ZNF827: variants seen among roughly 807,000 people sequenced by gnomAD.
ZNF827 encodes zinc finger protein 827.
In ZNF827, 13 loss-of-function variants were observed where a neutral mutation model predicts 102.4. The ratio of observed to expected loss-of-function variants is 0.13; its 90% CI spans 0.08 to 0.20. The LOEUF (loss-of-function observed/expected upper bound fraction) is 0.20, where lower values mean the gene tolerates loss of function less well. Ranked by LOEUF, ZNF827 falls within the 10% of genes least tolerant of loss-of-function variation. ZNF827 has a pLI of 1.00. For synonymous variants in ZNF827, 523 were observed against 536.2 expected (o/e 0.98, Z 0.34); for missense variants, 1,103 against 1,344.4 (o/e 0.82, Z 2.81).
intron 8 of ZNF827, among the ~76,000 whole-genome samples, chr4:145,788,071 TCTGC>T (rs773315591): frequency 5.9e-5 from 9 of 152,326 alleles, no homozygotes; most frequent in Non-Finnish European, 1.2e-4. Flanking sequence ...AGACCCACAG[TCTGC>T]CTGCTCCTCT....
intron 7 of ZNF827, among the ~76,000 whole-genome samples, chr4:145,838,264 C>G (rs1745072998): frequency 6.6e-6 from 1 of 152,122 alleles, no homozygotes; most frequent in South Asian, 2.1e-4. Flanking sequence ...TTTCCTGGCT[C>G]ATCCTGGCTC....
At chr4:145,876,160 T>C (rs1360003313) in intron 4 of ZNF827, among the ~76,000 whole-genome samples, 1 of 152,228 alleles carries the variant, frequency 6.6e-6, no homozygotes, top group Non-Finnish European at 1.5e-5. Flanking sequence ...TGTGTTCATA[T>C]ATAATTATAG....
intron 8 of ZNF827, among the ~76,000 whole-genome samples, chr4:145,800,315 T>A (rs1333329496): frequency 6.6e-6 from 1 of 151,642 alleles, no homozygotes; most frequent in Non-Finnish European, 1.5e-5. Flanking sequence ...AATACATATA[T>A]AAACATAGTG....
Position 145,902,915 on chromosome 4 carries a change from G to A in ZNF827, c.344C>T (p.Ser115Phe). 3.1e-6 allele frequency: 5 copies of A among 1,614,158 alleles called. No individual in the cohort carries two copies. The highest frequency in any genetic ancestry group is 4.2e-6 in the Non-Finnish European group (5 of 1,180,026). Residue 115 changes from serine (S) to phenylalanine (F), a missense_variant, in exon 2 of 15, where the codon TCC (serine) becomes TTC (phenylalanine). Physicochemically the swap from Ser to Phe is radical, Grantham distance 155 (BLOSUM62 -2). Around this residue, in one of 5 missense-constraint regions of ZNF827, gnomAD observed 441 missense variants for 458.6 expected, o/e 0.96. Transcript: ENST00000508784. The surrounding 1 kb of genome is among the most constrained non-coding windows in gnomAD (Gnocchi z 4.3). ...CAAATTGCTGCTCAGGGGCTTGTTG[G>A]AGCCTGGGTCATCGTCACACAAAGA... is the stretch of plus-strand genomic sequence containing the variant. Reference protein sequence around the residue: ...VSSLCDDDPGSNKPLSSNLRR... With the variant: ...VSSLCDDDPGFNKPLSSNLRR...
chr4:145,808,605 A>T lies in ZNF827; in HGVS notation c.2383+14817T>A, dbSNP rs78330057. Reference sequence around the variant, plus strand: ...TGGGGAAATTATGAAGGTAGTAGGTACAGATAAACGCAGAACATTCAAATA... The same window carrying T: ...TGGGGAAATTATGAAGGTAGTAGGTTCAGATAAACGCAGAACATTCAAATA... On this transcript the variant is annotated intron_variant, in intron 8 of 14. Transcript: ENST00000508784. Among the ~76,000 whole-genome samples the T allele has an allele frequency of 1.8e-4, 28 of 152,370 alleles. No individual in the cohort carries two copies. In the East Asian group the frequency reaches 5.4e-3, roughly 29 times the overall value.
chr4:145,832,755 G>C (rs1330316046), intron 7 of ZNF827: 2 of 152,388 alleles, frequency 1.3e-5, no homozygotes, highest in Admixed American at 6.5e-5. Flanking sequence ...CACCACAAAA[G>C]AAGTGTAAAT....
chr4:145,889,959 A>T (rs1425487910), intron 3 of ZNF827, among the ~76,000 whole-genome samples: 1 of 151,246 alleles, frequency 6.6e-6, no homozygotes, highest in African/African-American at 2.4e-5. Context: ...CCTGGGTAAG[A>T]GAGCTAGACT....
At chr4:145,885,453 A>T (rs1750026162) in intron 4 of ZNF827, among the ~76,000 whole-genome samples, 1 of 152,190 alleles carries the variant, frequency 6.6e-6, no homozygotes, top group Non-Finnish European at 1.5e-5. Context: ...TACTGTTTTG[A>T]GACCCAAGCC....
At chr4:145,790,584 A>G (rs558399152) in intron 8 of ZNF827, among the ~76,000 whole-genome samples, 2 of 152,308 alleles carry the variant, frequency 1.3e-5, no homozygotes, top group South Asian at 4.1e-4. Context: ...TATTCAAGTA[A>G]GCCTCTAGGG....
intron 1 of ZNF827, among the ~76,000 whole-genome samples, chr4:145,937,162 G>A (rs1413014213): frequency 6.6e-6 from 1 of 152,142 alleles, no homozygotes; most frequent in Non-Finnish European, 1.5e-5. Context: ...GCTGGAGAGG[G>A]AGTGGGGGAA....
intron 8 of ZNF827, among the ~76,000 whole-genome samples, chr4:145,784,870 C>G (rs1738625112): frequency 6.6e-6 from 1 of 152,070 alleles, no homozygotes; most frequent in Admixed American, 6.5e-5. Flanking sequence ...TGTACAGAGT[C>G]TCATAGGATT....
Position 145,870,347 on chromosome 4 carries a change from C to T in ZNF827, c.1879G>A (p.Gly627Ser). Residue 627 changes from glycine to serine, a missense_variant, in exon 5 of 15, where the codon GGC becomes AGC. This residue lies in a region of ZNF827 where 243 missense variants were observed against 251.6 expected (regional missense o/e 0.97). Coordinates refer to ENST00000508784, the MANE Select transcript of ZNF827 (RefSeq NM_001306215.2). The part of the protein sequence containing the change: ...FSPESEVSAP[G>S]VSEDALKPQE... The stretch of plus-strand genomic sequence containing the variant: ...GGCTTTAGTGCGTCCTCAGAGACGC[C>T]TGGGGCTGACACTTCAGATTCCGGG... The T allele has an allele frequency of 1.2e-6, 2 of 1,614,128 alleles. No individual in the cohort carries two copies. Among genetic ancestry groups the T allele is most frequent in the Non-Finnish European group, 1.7e-6 (2 of 1,180,002 alleles).
At chr4:145,938,236 G>C (rs2127021228) in intron 1 of ZNF827, 129 bp downstream of exon 1, 8 of 1,120,514 alleles carry the variant, frequency 7.1e-6, no homozygotes, top group Admixed American at 1.8e-5. Flanking sequence ...AACCCGGGCT[G>C]TGTCTTTGTC....
chr4:145,883,612 G>A (rs1268355045), intron 4 of ZNF827, among the ~76,000 whole-genome samples: 8 of 152,180 alleles, frequency 5.3e-5, no homozygotes, highest in African/African-American at 1.7e-4. Context: ...TCATACACAA[G>A]TGTTTTATCC....
chr4:145,837,522 C>T (rs1360860906), intron 7 of ZNF827, among the ~76,000 whole-genome samples: 1 of 152,174 alleles, frequency 6.6e-6, no homozygotes, highest in African/African-American at 2.4e-5. Context: ...AGTCATACTC[C>T]TATTCACCGT....
At chr4:145,867,038 TTGAA>T (rs907895787) in intron 5 of ZNF827, among the ~76,000 whole-genome samples, 1 of 152,246 alleles carries the variant, frequency 6.6e-6, no homozygotes, top group African/African-American at 2.4e-5. Flanking sequence ...TTCGGCCTCC[TTGAA>T]TGAAGACTTC....
intron 7 of ZNF827, among the ~76,000 whole-genome samples, chr4:145,828,907 C>A (rs1158123748): frequency 1.3e-5 from 2 of 152,144 alleles, no homozygotes; most frequent in Non-Finnish European, 2.9e-5. Flanking sequence ...ACCAGTATTT[C>A]CACCTTTAAC....
chr4:145,788,658 A>G (rs550966755), intron 8 of ZNF827, among the ~76,000 whole-genome samples: 24 of 152,344 alleles, frequency 1.6e-4, no homozygotes, highest in Non-Finnish European at 1.2e-4. Context: ...ACAACATGGA[A>G]GCAAACTGAC....
chr4:145,901,127 C>T (rs981672506), intron 2 of ZNF827, among the ~76,000 whole-genome samples: 10 of 152,164 alleles, frequency 6.6e-5, no homozygotes, highest in South Asian at 2.1e-4. Flanking sequence ...TGTGATCGTT[C>T]CGTCAATTAT....
Sources: gnomAD v4.1 joint callset for allele counts (sites outside exome capture counted in the v4.1 genomes callset) on GRCh38, gnomAD v4.1.1 for gene constraint, gnomAD v4.1.1 regional missense constraint, Gnocchi (gnomAD v3.1) non-coding constraint, MANE v1.5 for transcripts, NCBI Gene and HGNC (gene_info 2026-07-23, HGNC 2026-07-21) for gene names.